CADM2: variants seen among roughly 807,000 people sequenced by gnomAD.
The protein encoded by CADM2 is cell adhesion molecule 2.
In CADM2, 12 loss-of-function variants were observed where a neutral mutation model predicts 49.8. That is an observed-to-expected ratio of 0.24 (90% CI 0.15 to 0.39). The LOEUF (loss-of-function observed/expected upper bound fraction) is 0.39. Among genes scored for constraint, CADM2 ranks in the 10% least tolerant of loss-of-function variants. The pLI is 1.00. For missense variants in CADM2, 378 were observed against 492.3 expected (o/e 0.77, Z 2.20); for synonymous variants, 214 against 175.4 (o/e 1.22, Z -1.74).
chr3:85,023,932 T>C (rs2034613797), intron 1 of CADM2, among the ~76,000 whole-genome samples: 1 of 152,084 alleles, frequency 6.6e-6, no homozygotes, highest in Non-Finnish European at 1.5e-5. Context: ...GGGATTTGCT[T>C]CTCAAGTCGT....
chr3:85,347,251 G>GAA (rs2030773673), intron 1 of CADM2, among the ~76,000 whole-genome samples: 1 of 57,342 alleles, frequency 1.7e-5, no homozygotes, highest in African/African-American at 5.4e-5. Context: ...AAAAAAAAAA[G>GAA]AATTGCAAAT....
intron 1 of CADM2, among the ~76,000 whole-genome samples, chr3:85,333,174 G>C (rs1346445183): frequency 6.6e-6 from 1 of 151,674 alleles, no homozygotes; most frequent in African/African-American, 2.4e-5. Flanking sequence ...AGTGTTTAAA[G>C]TGTTAATTAT....
intron 1 of CADM2, among the ~76,000 whole-genome samples, chr3:85,538,109 C>A (rs1354024554): frequency 6.6e-6 from 1 of 152,014 alleles, no homozygotes; most frequent in Non-Finnish European, 1.5e-5. Flanking sequence ...TTAATATTGC[C>A]ATTTTTGTCT....
chr3:85,722,595 T>G (rs912109274), intron 1 of CADM2, among the ~76,000 whole-genome samples: 1 of 152,210 alleles, frequency 6.6e-6, no homozygotes, highest in Non-Finnish European at 1.5e-5. Flanking sequence ...CGAATAACTT[T>G]CTAACAAACA....
intron 3 of CADM2, among the ~76,000 whole-genome samples, chr3:85,854,858 C>T (rs73147131): frequency 0.075 from 11,407 of 152,174 alleles, 760 homozygotes; most frequent in African/African-American, 0.17. Context: ...CACCTGTCCT[C>T]CTTGTTTATT....
At chr3:84,979,227 A>G (rs2032016671) in intron 1 of CADM2, among the ~76,000 whole-genome samples, 1 of 152,236 alleles carries the variant, frequency 6.6e-6, no homozygotes, top group South Asian at 2.1e-4. Flanking sequence ...GATGAAATTT[A>G]TCACTAGTGG....
chr3:85,362,054 C>T (rs895347867), intron 1 of CADM2, among the ~76,000 whole-genome samples: 1 of 152,284 alleles, frequency 6.6e-6, no homozygotes, highest in African/African-American at 2.4e-5. Flanking sequence ...TAGCATCAGC[C>T]TTGGGAATGC....
At chr3:85,691,917 T>G (rs963115125) in intron 1 of CADM2, among the ~76,000 whole-genome samples, 1 of 152,022 alleles carries the variant, frequency 6.6e-6, no homozygotes, top group Non-Finnish European at 1.5e-5. Flanking sequence ...TAGGTGGGAA[T>G]TGAACAATGA....
chr3:85,338,776 A>G (rs564970615), intron 1 of CADM2, among the ~76,000 whole-genome samples: 3 of 151,552 alleles, frequency 2.0e-5, no homozygotes, highest in Non-Finnish European at 4.4e-5. Context: ...CCATGACAAT[A>G]AAAGTCACCA....
intron 3 of CADM2, among the ~76,000 whole-genome samples, chr3:85,864,681 T>C (rs1181446604): frequency 6.6e-6 from 1 of 152,202 alleles, no homozygotes; most frequent in East Asian, 1.9e-4. Flanking sequence ...TAAAATTACT[T>C]CTTTACATAT....
intron 1 of CADM2, among the ~76,000 whole-genome samples, chr3:85,250,515 A>G (rs1285082228): frequency 6.6e-6 from 1 of 151,626 alleles, no homozygotes; most frequent in Non-Finnish European, 1.5e-5. Flanking sequence ...ATTATTAGAC[A>G]ATACACAACT....
intron 1 of CADM2, among the ~76,000 whole-genome samples, chr3:85,496,505 G>A (rs28838277): frequency 1.3e-5 from 2 of 152,072 alleles, no homozygotes; most frequent in Non-Finnish European, 2.9e-5. Context: ...ATGAACATAC[G>A]AATGCATGTG....
chr3:86,014,284 T>C (rs1371282535), intron 8 of CADM2: 7 of 1,339,254 alleles, frequency 5.2e-6, no homozygotes, highest in Middle Eastern at 3.8e-4. Flanking sequence ...ATTGTTACTA[T>C]TGTTGTTCTT....
At chr3:85,263,562 A>T (rs2043059669) in intron 1 of CADM2, among the ~76,000 whole-genome samples, 1 of 152,126 alleles carries the variant, frequency 6.6e-6, no homozygotes, top group Non-Finnish European at 1.5e-5. Flanking sequence ...ACATAGTGCC[A>T]TTGTAGGATG....
intron 1 of CADM2, among the ~76,000 whole-genome samples, chr3:85,199,575 A>G (rs940729339): frequency 6.6e-6 from 1 of 151,756 alleles, no homozygotes; most frequent in African/African-American, 2.4e-5. Context: ...GTACATGTTG[A>G]TGGCAAATGT....
intron 8 of CADM2, among the ~76,000 whole-genome samples, chr3:85,968,574 A>G (rs1222586171): frequency 4.0e-5 from 6 of 151,734 alleles, no homozygotes; most frequent in African/African-American, 1.4e-4. Context: ...TCACTAAACA[A>G]TTTCATCATT....
chr3:85,944,113 G>A (rs1024133105), intron 7 of CADM2, among the ~76,000 whole-genome samples: 6 of 151,912 alleles, frequency 3.9e-5, no homozygotes, highest in African/African-American at 1.4e-4. Flanking sequence ...AAATGGCAGG[G>A]TTGCAATCTT....
intron 3 of CADM2, among the ~76,000 whole-genome samples, chr3:85,802,433 G>A (rs1177945766): frequency 2.0e-5 from 3 of 151,948 alleles, no homozygotes; most frequent in Admixed American, 2.0e-4. Context: ...ATAGTTTTAT[G>A]CCTTCTCTTA....
intron 6 of CADM2, among the ~76,000 whole-genome samples, chr3:85,934,098 C>A (rs1259905154): frequency 6.6e-6 from 1 of 152,094 alleles, no homozygotes; most frequent in East Asian, 1.9e-4. Context: ...ATAATTCTGT[C>A]TCCCAAAATT....
Sources: gnomAD v4.1 joint callset for allele counts (sites outside exome capture counted in the v4.1 genomes callset) on GRCh38, gnomAD v4.1.1 for gene constraint, MANE v1.5 for transcripts, NCBI Gene and HGNC (gene_info 2026-07-23, HGNC 2026-07-21) for gene names.